TENM3: variants seen among roughly 807,000 people sequenced by gnomAD.
The protein encoded by TENM3 is teneurin-3.
A neutral mutation model predicts 255.1 loss-of-function variants in TENM3; 63 were observed. That is an observed-to-expected ratio of 0.25 (90% CI 0.20 to 0.30). TENM3 has a LOEUF of 0.30. Ranked by LOEUF, TENM3 falls within the 10% of genes least tolerant of loss-of-function variation. The probability of loss-of-function intolerance (pLI) is 1.00; values close to 1 mark genes in which losing one functional copy is unlikely to be tolerated. For missense variants in TENM3, 2,929 were observed against 3,461.1 expected (o/e 0.85, Z 3.86); for synonymous variants, 1,306 against 1,322.3 (o/e 0.99, Z 0.27).
chr4:182,062,337 G>A, the TENM3 span, among the ~76,000 whole-genome samples: 1 of 152,128 alleles, frequency 6.6e-6, no homozygotes, highest in Admixed American at 6.6e-5. Flanking sequence ...TTGAAGATTT[G>A]GCCAGTAGCA....
chr4:182,036,608 T>C, the TENM3 span, among the ~76,000 whole-genome samples: 1 of 152,180 alleles, frequency 6.6e-6, no homozygotes, highest in African/African-American at 2.4e-5. Flanking sequence ...ATGGAATGAA[T>C]AAATATTACA....
chr4:182,122,794 G>T, the TENM3 span, among the ~76,000 whole-genome samples: 1 of 152,168 alleles, frequency 6.6e-6, no homozygotes, highest in Non-Finnish European at 1.5e-5. Context: ...AAGCTTCAAA[G>T]CCAGGCACTG....
At chr4:182,300,490 G>A (rs758518984) in intron 1 of TENM3, among the ~76,000 whole-genome samples, 3 of 152,134 alleles carry the variant, frequency 2.0e-5, no homozygotes, top group Non-Finnish European at 1.5e-5. Flanking sequence ...TCTGACAGTC[G>A]AGTTAAACAC....
At chr4:181,843,192 A>G in the TENM3 span, among the ~76,000 whole-genome samples, 2 of 152,206 alleles carry the variant, frequency 1.3e-5, no homozygotes, top group Non-Finnish European at 2.9e-5. Flanking sequence ...TAGATACAAA[A>G]TGTTCAAATT....
At chr4:182,310,801 G>C (rs932037051) in intron 1 of TENM3, among the ~76,000 whole-genome samples, 2 of 152,094 alleles carry the variant, frequency 1.3e-5, no homozygotes, top group Admixed American at 1.3e-4. Flanking sequence ...CCGTCTCCTG[G>C]GTTCAAGCGA....
the TENM3 span, among the ~76,000 whole-genome samples, chr4:181,930,067 A>C: frequency 2.6e-5 from 4 of 152,204 alleles, no homozygotes; most frequent in African/African-American, 9.6e-5. Flanking sequence ...CACAGGAGAA[A>C]GCTGGAAAGA....
At chr4:182,071,617 T>C in the TENM3 span, among the ~76,000 whole-genome samples, 1 of 152,074 alleles carries the variant, frequency 6.6e-6, no homozygotes, top group Admixed American at 6.6e-5. Context: ...CATATTAGTT[T>C]TGTACATATT....
the TENM3 span, among the ~76,000 whole-genome samples, chr4:182,041,648 A>C: frequency 6.6e-6 from 1 of 152,140 alleles, no homozygotes; most frequent in African/African-American, 2.4e-5. Context: ...TATGTGTTTT[A>C]TTTATTTTAT....
the TENM3 span, among the ~76,000 whole-genome samples, chr4:181,553,364 T>C: frequency 6.6e-6 from 1 of 151,656 alleles, no homozygotes; most frequent in Non-Finnish European, 1.5e-5. Context: ...ATGTGTAATA[T>C]AGATATATTT....
At chr4:182,387,935 T>C (rs1378747166) in intron 3 of TENM3, among the ~76,000 whole-genome samples, 4 of 22,502 alleles carry the variant, frequency 1.8e-4, no homozygotes, top group African/African-American at 2.3e-4. Flanking sequence ...GGGTGATAAT[T>C]GCAAAAAAAA....
chr4:181,849,857 G>A, the TENM3 span, among the ~76,000 whole-genome samples: 1 of 151,916 alleles, frequency 6.6e-6, no homozygotes, highest in Non-Finnish European at 1.5e-5. Context: ...TTAAGAGGAA[G>A]GCGGATTAGC....
chr4:182,717,423 G>A (rs928440060), intron 13 of TENM3, among the ~76,000 whole-genome samples: 2 of 152,116 alleles, frequency 1.3e-5, no homozygotes, highest in African/African-American at 2.4e-5. Flanking sequence ...TGTCATGTAC[G>A]CTGGGTAACT....
the TENM3 span, among the ~76,000 whole-genome samples, chr4:181,771,282 T>C: frequency 6.6e-6 from 1 of 152,226 alleles, no homozygotes; most frequent in Admixed American, 6.5e-5. Context: ...TGTTGAGTCA[T>C]CTTGTACAAA....
chr4:181,787,479 A>T, the TENM3 span, among the ~76,000 whole-genome samples: 1 of 152,048 alleles, frequency 6.6e-6, no homozygotes, highest in Non-Finnish European at 1.5e-5. Flanking sequence ...CTGGAATTAC[A>T]GGTGCACGCC....
At chr4:182,383,869 A>G (rs1767731577) in intron 3 of TENM3, among the ~76,000 whole-genome samples, 2 of 152,164 alleles carry the variant, frequency 1.3e-5, no homozygotes, top group South Asian at 4.1e-4. Flanking sequence ...CAACCAACTC[A>G]CCTTCAACAA....
chr4:182,308,358 C>T (rs904576083), intron 1 of TENM3, among the ~76,000 whole-genome samples: 1 of 151,990 alleles, frequency 6.6e-6, no homozygotes, highest in African/African-American at 2.4e-5. Flanking sequence ...ACTCTGTCAC[C>T]CAGGCTGGAG....
chr4:181,834,413 A>G, the TENM3 span, among the ~76,000 whole-genome samples: 2 of 152,218 alleles, frequency 1.3e-5, no homozygotes, highest in African/African-American at 4.8e-5. Context: ...ATATGGGCTT[A>G]ATCACCAGTA....
chr4:182,109,430 T>C, the TENM3 span, among the ~76,000 whole-genome samples: 1 of 151,750 alleles, frequency 6.6e-6, no homozygotes, highest in South Asian at 2.1e-4. Context: ...AGACAAATCG[T>C]TTTGAATACG....
At chr4:182,209,195 T>C (rs1198017155) in intron 1 of TENM3, among the ~76,000 whole-genome samples, 1 of 151,944 alleles carries the variant, frequency 6.6e-6, no homozygotes, top group East Asian at 1.9e-4. Context: ...CTCGAACTCC[T>C]GACCTCAAGT....
Sources: allele counts gnomAD v4.1 joint callset (sites outside exome capture counted in the v4.1 genomes callset), GRCh38; gene constraint gnomAD v4.1.1; transcripts MANE v1.5; gene names NCBI Gene and HGNC (gene_info 2026-07-23, HGNC 2026-07-21).